LUZP2: variants seen among roughly 807,000 people sequenced by gnomAD.
LUZP2 encodes leucine zipper protein 2.
In LUZP2, 52 loss-of-function variants were observed where a neutral mutation model predicts 51.6. That is an observed-to-expected ratio of 1.01 (90% CI 0.81 to 1.27). LUZP2 has a LOEUF of 1.27. Among genes scored for constraint, LUZP2 ranks in the 50% most tolerant of loss-of-function variants. LUZP2 has a pLI of 0.00. For synonymous variants in LUZP2, 154 were observed against 137.3 expected (o/e 1.12, Z -0.85); for missense variants, 436 against 395.4 (o/e 1.10, Z -0.87).
chr11:24,846,390 A>G (rs971019522), intron 5 of LUZP2, among the ~76,000 whole-genome samples: 9 of 152,076 alleles, frequency 5.9e-5, no homozygotes, highest in African/African-American at 2.2e-4. Context: ...AACGAGTAAT[A>G]GAAAAATTGA....
intron 5 of LUZP2, among the ~76,000 whole-genome samples, chr11:24,821,286 G>C (rs1850348611): frequency 6.6e-6 from 1 of 152,064 alleles, no homozygotes; most frequent in African/African-American, 2.4e-5. Context: ...CAACATTAAA[G>C]TAGTGCCTAG....
rs927219244 is a variant in LUZP2 at position 24,887,359 on chromosome 11, G to T, written c.397-18632G>T. ...TTCTAGGTCAAGACAGAGATGAAAG[G>T]TCAGACAGAGAGACAGCAAGCACAT... On this transcript the variant is annotated intron_variant, in intron 5 of 11. Transcript: ENST00000336930. 3.3e-5 allele frequency among the ~76,000 whole-genome samples: 5 copies of T among 152,162 alleles called. No homozygotes were observed. In the South Asian group the frequency reaches 8.3e-4, roughly 25 times the overall value.
chr11:24,543,823 C>CAAAAAA (rs71041774), intron 1 of LUZP2, among the ~76,000 whole-genome samples: 15,759 of 75,536 alleles, frequency 0.21, 3,307 homozygotes, highest in Middle Eastern at 0.27. Flanking sequence ...CTCTGTCTCA[C>CAAAAAA]AAAAAAAAAA....
chr11:24,811,995 A>AACAAACAAACAAAAAAGGT (rs1850037028), intron 5 of LUZP2, among the ~76,000 whole-genome samples: 2 of 152,174 alleles, frequency 1.3e-5, no homozygotes, highest in Non-Finnish European at 2.9e-5. Flanking sequence ...AGGTGGTTGA[A>AACAAACAAACAAAAAAGGT]GGAAGAGAAA....
intron 1 of LUZP2, among the ~76,000 whole-genome samples, chr11:24,531,639 T>G (rs1415103726): frequency 4.0e-5 from 6 of 150,910 alleles, no homozygotes; most frequent in African/African-American, 9.7e-5. Context: ...CTTCTGTGAG[T>G]AGAACTTTTT....
intron 5 of LUZP2, among the ~76,000 whole-genome samples, chr11:24,850,773 G>C (rs1851367736): frequency 6.6e-6 from 1 of 152,212 alleles, no homozygotes; most frequent in Middle Eastern, 3.4e-3. Flanking sequence ...TTTTCCATTT[G>C]TTTGTGTCCT....
chr11:24,958,358 C>G (rs566218597), intron 7 of LUZP2, among the ~76,000 whole-genome samples: 1 of 152,222 alleles, frequency 6.6e-6, no homozygotes, highest in Non-Finnish European at 1.5e-5. Flanking sequence ...AACTAGTTGA[C>G]AGTCCCACCA....
At chr11:24,872,580 C>T (rs1475294832) in intron 5 of LUZP2, among the ~76,000 whole-genome samples, 2 of 152,114 alleles carry the variant, frequency 1.3e-5, no homozygotes, top group Non-Finnish European at 2.9e-5. Context: ...CCATTTTAAA[C>T]TCAACAAAAT....
chr11:24,509,305 G>T (rs2133771502), intron 1 of LUZP2, among the ~76,000 whole-genome samples: 1 of 151,990 alleles, frequency 6.6e-6, no homozygotes, highest in East Asian at 1.9e-4. Context: ...TCTTCCACTG[G>T]TAATCAGAAG....
At chr11:24,810,532 C>G (rs1336832952) in intron 5 of LUZP2, among the ~76,000 whole-genome samples, 1 of 151,954 alleles carries the variant, frequency 6.6e-6, no homozygotes, top group African/African-American at 2.4e-5. Flanking sequence ...TTCCGTCCGA[C>G]AAATGTTATT....
intron 5 of LUZP2, among the ~76,000 whole-genome samples, chr11:24,827,349 TGTAG>T (rs1043142939): frequency 1.1e-4 from 17 of 152,202 alleles, no homozygotes. Flanking sequence ...AAGTTTTATT[TGTAG>T]ATATACTACA....
intron 1 of LUZP2, among the ~76,000 whole-genome samples, chr11:24,714,955 C>T (rs1857981041): frequency 6.6e-6 from 1 of 152,142 alleles, no homozygotes; most frequent in South Asian, 2.1e-4. Flanking sequence ...CCCCTCTGCA[C>T]ACTTTAACTA....
chr11:24,614,442 T>C (rs934971457), intron 1 of LUZP2, among the ~76,000 whole-genome samples: 3 of 152,002 alleles, frequency 2.0e-5, no homozygotes, highest in African/African-American at 7.2e-5. Flanking sequence ...TCATTTCATT[T>C]AACCCCCTAA....
rs1391310609 is a variant in LUZP2, at chr11:24,770,921, C to T, written c.396+7613C>T. 7.3e-5 allele frequency among the ~76,000 whole-genome samples: 11 copies of T among 149,898 alleles called. No individual in the cohort carries two copies. In the East Asian group the frequency reaches 2.2e-3, roughly 30 times the overall value. On this transcript the variant is annotated intron_variant, in intron 5 of 11. Transcript: ENST00000336930. ...TCCGCCTGAATCAGGAAGTTGCCAG[C>T]CTGCCTGCTGCCCTGCCACTGCAGG...
At chr11:24,629,386 T>C (rs1026785391) in intron 1 of LUZP2, among the ~76,000 whole-genome samples, 12 of 151,480 alleles carry the variant, frequency 7.9e-5, no homozygotes, top group African/African-American at 2.9e-4. Flanking sequence ...TCCAGCACCA[T>C]TTATATTGCT....
intron 7 of LUZP2, among the ~76,000 whole-genome samples, chr11:24,941,333 TTATG>T (rs1302528786): frequency 6.6e-6 from 1 of 152,204 alleles, no homozygotes; most frequent in Non-Finnish European, 1.5e-5. Context: ...CATTATTTAT[TTATG>T]TTTCACCTCT....
intron 9 of LUZP2, among the ~76,000 whole-genome samples, chr11:24,988,936 TA>T (rs1856257680): frequency 6.6e-6 from 1 of 151,816 alleles, no homozygotes; most frequent in South Asian, 2.1e-4. Context: ...AACACAGAAT[TA>T]TATTTGCAAG....
At chr11:24,960,907 G>A (rs942013112) in intron 7 of LUZP2, among the ~76,000 whole-genome samples, 1 of 151,934 alleles carries the variant, frequency 6.6e-6, no homozygotes, top group South Asian at 2.1e-4. Flanking sequence ...TCCCTCTACA[G>A]ACTGCTTTGA....
chr11:24,557,245 A>G (rs1001053590), intron 1 of LUZP2, among the ~76,000 whole-genome samples: 1 of 152,210 alleles, frequency 6.6e-6, no homozygotes, highest in South Asian at 2.1e-4. Context: ...GTTGCTAAAA[A>G]TAAATAATAA....
Sources: gnomAD v4.1 joint callset for allele counts (sites outside exome capture counted in the v4.1 genomes callset) on GRCh38, gnomAD v4.1.1 for gene constraint, MANE v1.5 for transcripts, NCBI Gene and HGNC (gene_info 2026-07-23, HGNC 2026-07-21) for gene names.